The following TMEM131L variants were observed in gnomAD, a reference collection of about 807,000 sequenced individuals.
TMEM131L encodes the protein transmembrane protein 131-like.
Under a neutral mutation model 192.2 loss-of-function variants are expected in TMEM131L, and 54 were observed. The ratio of observed to expected loss-of-function variants is 0.28; its 90% CI spans 0.23 to 0.35. The LOEUF (loss-of-function observed/expected upper bound fraction) is 0.35. Among genes scored for constraint, TMEM131L ranks in the 10% least tolerant of loss-of-function variants. TMEM131L has a pLI of 1.00. For synonymous variants in TMEM131L, 701 were observed against 704.9 expected, an observed-to-expected ratio of 0.99 and a Z score of 0.09; for missense variants, 1,888 against 1,972.9, an observed-to-expected ratio of 0.96 and a Z score of 0.82.
chr4:153,604,003 C>G lies in TMEM131L; in HGVS notation c.2991C>G (p.Ser997Arg), dbSNP rs774322067. The change falls in exon 25 of 35, where the codon AGC becomes AGG. Residue 997 changes from serine (S) to arginine (R), a missense_variant. Physicochemically the swap from Ser to Arg is moderately radical, Grantham distance 110. Coordinates refer to ENST00000409959, the MANE Select transcript of TMEM131L (RefSeq NM_001131007.2). ...AAACCAGCACAGCTGCGGCCAGCAG[C>G]ACCAGCACGACTACTGAGGAAAAAC... ...KHKTSTAAAS[S>R]TSTTTEEKQT... The G allele has an allele frequency of 6.1e-5, 98 of 1,614,006 alleles. No homozygotes were observed. The highest frequency in any genetic ancestry group is 8.1e-5 in the Non-Finnish European group (95 of 1,180,016).
At chr4:153,583,135 C>G in intron 9 of TMEM131L, 55 bp from the exon 10 acceptor site, 1 of 851,594 alleles carries the variant, frequency 1.2e-6, no homozygotes, top group Non-Finnish European at 2.0e-6. Flanking sequence ...TGAGATGGCT[C>G]TGTTTTAATC....
intron 4 of TMEM131L, among the ~76,000 whole-genome samples, chr4:153,552,973 A>G (rs1004815304): frequency 1.5e-4 from 22 of 150,968 alleles, no homozygotes; most frequent in Non-Finnish European, 2.2e-4. Flanking sequence ...AACACTTTCA[A>G]TCAAGGTTGG....
At chr4:153,626,822 T>C (rs1384514677) in intron 30 of TMEM131L, among the ~76,000 whole-genome samples, 2 of 152,210 alleles carry the variant, frequency 1.3e-5, no homozygotes, top group African/African-American at 4.8e-5. Context: ...ATTATAAAGA[T>C]GGGAATCATT....
At position 153,550,569 on chromosome 4, in the gene TMEM131L, G is replaced by C. The variant is rs1025446521; in HGVS notation, c.308+428G>C. 9.9e-5 allele frequency among the ~76,000 whole-genome samples: 15 copies of C among 152,226 alleles called. No homozygotes were observed. The East Asian group carries it at 1.4e-3, about 14-fold the overall frequency. On this transcript the variant is annotated intron_variant, in intron 4 of 34. Transcript: ENST00000409959. ...TCTTGATCTCCTGACTTCGTGATCCGCCCGCCTCGGCCTCCCAAAGTGCTG... is the reference window on the plus strand; with the variant it reads ...TCTTGATCTCCTGACTTCGTGATCCCCCCGCCTCGGCCTCCCAAAGTGCTG...
Position 153,602,738 on chromosome 4 carries a change from A to G in TMEM131L, c.2639+11A>G, listed in dbSNP as rs773597695. The G allele has an allele frequency of 6.2e-6, 10 of 1,612,946 alleles. No homozygotes were observed. The highest frequency in any genetic ancestry group is 5.3e-5 in the African/African-American group (4 of 74,874). On this transcript the variant is annotated intron_variant, in intron 23 of 34. Transcript: ENST00000409959. ...GGTCTTCTTTGTCAGGTAAACCACTACTGTCTCCCTTGTTCTCTCACTGAG... is the reference window on the plus strand; with the variant it reads ...GGTCTTCTTTGTCAGGTAAACCACTGCTGTCTCCCTTGTTCTCTCACTGAG...
chr4:153,483,554 G>A (rs1455383698), intron 3 of TMEM131L, among the ~76,000 whole-genome samples: 2 of 151,890 alleles, frequency 1.3e-5, no homozygotes, highest in South Asian at 2.1e-4. Flanking sequence ...CAAAAAAAAA[G>A]TGGGGCGTGG....
At chr4:153,504,180 G>A (rs1191039985) in intron 3 of TMEM131L, among the ~76,000 whole-genome samples, 3 of 150,486 alleles carry the variant, frequency 2.0e-5, no homozygotes, top group African/African-American at 7.3e-5. Context: ...GTGTTGGCCA[G>A]GATGTTCTCG....
intron 3 of TMEM131L, among the ~76,000 whole-genome samples, chr4:153,543,210 T>C (rs1448005131): frequency 6.6e-6 from 1 of 152,204 alleles, no homozygotes; most frequent in Non-Finnish European, 1.5e-5. Context: ...TGGAGAAAAA[T>C]ACTGGTTTCT....
rs146267673 is a variant in TMEM131L at position 153,563,592 on chromosome 4, C to T, written c.660+5224C>T. 1.5e-3 allele frequency among the ~76,000 whole-genome samples: 229 copies of T among 151,224 alleles called. 1 individual carries two copies. The highest frequency in any genetic ancestry group is 5.0e-3 in the African/African-American group (204 of 41,094). On this transcript the variant is annotated intron_variant, in intron 7 of 34. Transcript: ENST00000409959. ...GACCCGTCCTCCTGCCTCAGCCTCC[C>T]GAGTAGGTGAGATCACAGGTGCATG...
intron 7 of TMEM131L, among the ~76,000 whole-genome samples, chr4:153,573,745 T>C (rs1053882222): frequency 6.6e-6 from 1 of 152,210 alleles, no homozygotes; most frequent in African/African-American, 2.4e-5. Flanking sequence ...TCTTGAGTTC[T>C]GTTCCAATCA....
At chr4:153,563,766 C>G (rs1729006860) in intron 7 of TMEM131L, among the ~76,000 whole-genome samples, 1 of 152,048 alleles carries the variant, frequency 6.6e-6, no homozygotes, top group Non-Finnish European at 1.5e-5. Flanking sequence ...CACGCCTGGC[C>G]TGGATGTGTG....
chr4:153,577,221 G>A (rs1407374484), intron 7 of TMEM131L, among the ~76,000 whole-genome samples: 6 of 152,164 alleles, frequency 3.9e-5, no homozygotes, highest in East Asian at 3.8e-4. Context: ...CAGGGAGGTC[G>A]AGACTAGGCA....
intron 26 of TMEM131L, among the ~76,000 whole-genome samples, chr4:153,617,886 ATTTG>A (rs1733105622): frequency 7.2e-6 from 1 of 138,118 alleles, no homozygotes; most frequent in South Asian, 2.2e-4. Context: ...TTGCTTTTGC[ATTTG>A]TTTCATGAAT....
At chr4:153,477,722 AGT>A (rs1182636345) in intron 3 of TMEM131L, among the ~76,000 whole-genome samples, 5 of 152,196 alleles carry the variant, frequency 3.3e-5, no homozygotes, top group African/African-American at 1.2e-4. Flanking sequence ...TTCAGAAAAT[AGT>A]ACTCACTCTT....
chr4:153,477,156 A>C (rs1430520988), intron 3 of TMEM131L, among the ~76,000 whole-genome samples: 3 of 151,798 alleles, frequency 2.0e-5, no homozygotes, highest in Non-Finnish European at 4.4e-5. Flanking sequence ...AATCATGGAG[A>C]GAGAGCATCT....
In TMEM131L at chr4:153,602,572, A is replaced by G. The variant is rs1208093304; in HGVS notation, c.2484A>G (p.Val828=). ...VFTPDFTSSW[V]IRDLSLVTAA... is the part of the protein sequence containing the mutation. ...CTCCAGACTTTACCTCCTCCTGGGT[A>G]ATTCGGGACCTAAGTCTTGTAACCG... Residue 828 remains valine, a synonymous_variant, in exon 23 of 35, where the codon GTA becomes GTG. Transcript: ENST00000409959. The G allele has an allele frequency of 3.1e-6, 5 of 1,614,008 alleles. No individual in the cohort carries two copies. The highest frequency in any genetic ancestry group is 1.7e-5 in the Admixed American group (1 of 60,000).
intron 3 of TMEM131L, among the ~76,000 whole-genome samples, chr4:153,531,591 C>CTTA (rs1281177753): frequency 6.6e-6 from 1 of 152,140 alleles, no homozygotes; most frequent in East Asian, 1.9e-4. Context: ...ATGTGACTAC[C>CTTA]TTATTATACA....
At chr4:153,480,266 G>A (rs919786614) in intron 3 of TMEM131L, among the ~76,000 whole-genome samples, 2 of 152,170 alleles carry the variant, frequency 1.3e-5, no homozygotes, top group Non-Finnish European at 2.9e-5. Context: ...ATGAACCCGG[G>A]AGTCGGAGCT....
At chr4:153,584,477 T>C (rs541927820) in intron 11 of TMEM131L, among the ~76,000 whole-genome samples, 1 of 152,364 alleles carries the variant, frequency 6.6e-6, no homozygotes, top group South Asian at 2.1e-4. Flanking sequence ...TTTTGATCAA[T>C]CAGCACTGCT....
Sources: gnomAD v4.1 joint callset for allele counts (sites outside exome capture counted in the v4.1 genomes callset) on GRCh38, gnomAD v4.1.1 for gene constraint, MANE v1.5 for transcripts, NCBI Gene and HGNC (gene_info 2026-07-23, HGNC 2026-07-21) for gene names.